PRMT8: variants seen among roughly 807,000 people sequenced by gnomAD.
PRMT8 encodes protein arginine methyltransferase 8.
In PRMT8, 7 loss-of-function variants were observed where a neutral mutation model predicts 47.1. That is an observed-to-expected ratio of 0.15 (90% confidence interval 0.08 to 0.28). PRMT8 has a LOEUF of 0.28. Among genes scored for constraint, PRMT8 ranks in the 10% least tolerant of loss-of-function variants. PRMT8 has a pLI of 1.00. For synonymous variants in PRMT8, 188 were observed against 186.5 expected, an observed-to-expected ratio of 1.01 and a Z score of -0.07; for missense variants, 237 against 505.4, an observed-to-expected ratio of 0.47 and a Z score of 5.09.
At chr12:3,578,625 C>T (rs550922759) in intron 7 of PRMT8, among the ~76,000 whole-genome samples, 48 of 152,204 alleles carry the variant, frequency 3.2e-4, no homozygotes, top group Middle Eastern at 6.8e-3. Context: ...CTGAAAGTAT[C>T]GGGGCAGGGT....
chr12:3,394,480 T>G (rs1164728809), intron 1 of PRMT8, among the ~76,000 whole-genome samples: 2 of 151,998 alleles, frequency 1.3e-5, no homozygotes, highest in Admixed American at 6.5e-5. Context: ...ATGTGGTTTT[T>G]GTCTTTGGTT....
rs1759937422 is a variant in PRMT8, at chr12:3,550,275, C to T, written c.417+184C>T. On this transcript the variant is annotated intron_variant, in intron 3 of 9. Coordinates refer to ENST00000382622, the MANE Select transcript of PRMT8 (RefSeq NM_019854.5). This position sits in a 1 kb window ranked among gnomAD's most constrained non-coding sequence, Gnocchi z 5.1. ...GGGAGCAGGCTGCCTGTCCCCTGTGCATGGCTCCTGGATCCTTACAACCAC... is the reference window on the plus strand; with the variant it reads ...GGGAGCAGGCTGCCTGTCCCCTGTGTATGGCTCCTGGATCCTTACAACCAC... The T allele has an allele frequency of 4.6e-6, 3 of 646,444 alleles. No individual in the cohort carries two copies. The highest frequency in any genetic ancestry group is 2.9e-5 in the Admixed American group (1 of 34,350). 40.0% of individuals were successfully genotyped at this position (646,444 alleles called of 1,614,324 possible).
upstream of PRMT8, among the ~76,000 whole-genome samples, chr12:3,490,677 G>GAGAGAGAGAGAGAT: frequency 6.6e-5 from 1 of 15,168 alleles, no homozygotes; most frequent in Non-Finnish European, 1.4e-4. Flanking sequence ...TGGGTACAAA[G>GAGAGAGAGAGAGAT]AGAGAGAGAG....
rs115800343 is a variant in PRMT8 at position 3,470,795 on chromosome 12, C to T, written c.49-69811C>T. ...TCAGATTATCTCTTCAGCTGTACAT[C>T]GCCACTTCCACACTCAGGCGATTTC... is the stretch of plus-strand genomic sequence containing the variant. On this transcript the variant is annotated intron_variant, in intron 1 of 9. Transcript: ENST00000452611. Among the ~76,000 whole-genome samples the T allele has an allele frequency of 9.9e-3, 1,501 of 152,276 alleles. 29 individuals are homozygous for T. Among genetic ancestry groups the T allele is most frequent in the African/African-American group, 0.034 (1,401 of 41,536 alleles).
chr12:3,422,575 T>C (rs1217528983), intron 1 of PRMT8, among the ~76,000 whole-genome samples: 1 of 152,182 alleles, frequency 6.6e-6, no homozygotes, highest in Non-Finnish European at 1.5e-5. Flanking sequence ...AGTGGAGATA[T>C]ATGACTGGGG....
chr12:3,586,565 G>A (rs971918746), intron 8 of PRMT8, among the ~76,000 whole-genome samples: 3 of 152,170 alleles, frequency 2.0e-5, no homozygotes, highest in South Asian at 2.1e-4. Context: ...GTTCCTGGAC[G>A]GGTAACACCA....
intron 1 of PRMT8, among the ~76,000 whole-genome samples, chr12:3,521,731 A>G (rs1008970217): frequency 6.6e-6 from 1 of 152,238 alleles, no homozygotes; most frequent in Non-Finnish European, 1.5e-5. Context: ...ATTTCAAATC[A>G]TTCAAGTAAA....
chr12:3,553,326 C>T (rs1015103620), intron 3 of PRMT8: 13 of 394,234 alleles, frequency 3.3e-5, no homozygotes, highest in Admixed American at 8.2e-5. Context: ...GTGGGGAGGA[C>T]GTACTGCCTC....
chr12:3,556,401 G>T (rs1866528604), intron 4 of PRMT8, among the ~76,000 whole-genome samples: 1 of 152,092 alleles, frequency 6.6e-6, no homozygotes, highest in South Asian at 2.1e-4. Flanking sequence ...TCAGGAGAGA[G>T]GAGGACCATG....
At chr12:3,522,914 A>G (rs1220295514) in intron 1 of PRMT8, among the ~76,000 whole-genome samples, 2 of 152,208 alleles carry the variant, frequency 1.3e-5, no homozygotes, top group South Asian at 2.1e-4. Flanking sequence ...AAAGGAAGCT[A>G]TAAGCAGGCT....
At chr12:3,438,307 C>T (rs1864766513) in intron 1 of PRMT8, among the ~76,000 whole-genome samples, 1 of 152,208 alleles carries the variant, frequency 6.6e-6, no homozygotes, top group Non-Finnish European at 1.5e-5. Flanking sequence ...TGCTGTCGCC[C>T]ATGTGGCTGG....
intron 1 of PRMT8, among the ~76,000 whole-genome samples, chr12:3,469,861 G>A (rs1021245470): frequency 2.6e-5 from 4 of 152,266 alleles, no homozygotes; most frequent in Admixed American, 6.5e-5. Flanking sequence ...GGCTCTGTCG[G>A]CCTCCATGTC....
At position 3,508,306 on chromosome 12, in the gene PRMT8, T is replaced by G. The variant is rs539578601; in HGVS notation, c.75+16606T>G. Among the ~76,000 whole-genome samples the G allele has an allele frequency of 6.6e-6, 1 of 152,342 alleles. No individual in the cohort carries two copies. The highest frequency in any genetic ancestry group is 2.1e-4 in the South Asian group (1 of 4,830). On this transcript the variant is annotated intron_variant, in intron 1 of 9. Coordinates refer to ENST00000382622, the MANE Select transcript of PRMT8 (RefSeq NM_019854.5). The surrounding 1 kb of genome is among the most constrained non-coding windows in gnomAD (Gnocchi z 4.9). The stretch of plus-strand genomic sequence containing the variant: ...CTGTGTGGGGATATGTACACGCTTC[T>G]GAGTCAGTAGGTGCGTCATGCAGGA...
intron 1 of PRMT8, 88 bp from the exon 2 acceptor site, chr12:3,540,518 G>C (rs1185766755): frequency 1.1e-6 from 1 of 895,692 alleles, no homozygotes. Context: ...GCCGGGCTCA[G>C]GGAGGGGGAA....
intron 1 of PRMT8, among the ~76,000 whole-genome samples, chr12:3,472,318 T>G (rs1865169474): frequency 6.6e-6 from 1 of 152,194 alleles, no homozygotes; most frequent in Non-Finnish European, 1.5e-5. Flanking sequence ...TTTCTAAATT[T>G]CCAAGTGGTA....
At chr12:3,537,703 TC>T (rs1264335157) in intron 1 of PRMT8, among the ~76,000 whole-genome samples, 1 of 152,228 alleles carries the variant, frequency 6.6e-6, no homozygotes, top group Non-Finnish European at 1.5e-5. Context: ...CATCTTTGAT[TC>T]CAGCTCCTCT....
At chr12:3,464,914 C>G (rs1865077021) in intron 1 of PRMT8, among the ~76,000 whole-genome samples, 1 of 151,974 alleles carries the variant, frequency 6.6e-6, no homozygotes, top group Non-Finnish European at 1.5e-5. Flanking sequence ...CACCTGAGGT[C>G]TGGAGTTCCA....
intron 1 of PRMT8, among the ~76,000 whole-genome samples, chr12:3,423,786 G>A (rs1386682540): frequency 3.3e-5 from 5 of 152,220 alleles, no homozygotes. Flanking sequence ...TCCACCAAGT[G>A]ACTGTTTTTG....
At chr12:3,408,858 A>G (rs1057190610) in intron 1 of PRMT8, among the ~76,000 whole-genome samples, 2 of 152,208 alleles carry the variant, frequency 1.3e-5, no homozygotes, top group African/African-American at 4.8e-5. Flanking sequence ...GATGATTGTG[A>G]GTGCCTCAGT....
Sources: gnomAD v4.1 joint callset for allele counts (sites outside exome capture counted in the v4.1 genomes callset) on GRCh38, gnomAD v4.1.1 for gene constraint, Gnocchi (gnomAD v3.1) non-coding constraint, MANE v1.5 for transcripts, NCBI Gene and HGNC (gene_info 2026-07-23, HGNC 2026-07-21) for gene names.